The following DNAJC25 variants were observed in gnomAD, a reference collection of about 807,000 sequenced individuals.
DNAJC25 encodes the protein dnaJ homolog subfamily C member 25.
DNAJC25 carries 26 observed loss-of-function variants against 42.1 expected under a neutral mutation model. The observed-to-expected ratio is 0.62, with a 90% CI of 0.45 to 0.86. DNAJC25 has a LOEUF of 0.86. Among genes scored for constraint, DNAJC25 ranks in the 40% least tolerant of loss-of-function variants. DNAJC25 has a pLI of 0.00. For missense variants in DNAJC25, 404 were observed against 459.4 expected, an observed-to-expected ratio of 0.88 and a Z score of 1.10; for synonymous variants, 189 against 179.9, an observed-to-expected ratio of 1.05 and a Z score of -0.40.
intron 3 of DNAJC25, 151 bp downstream of exon 3, chr9:111,650,074 CTA>C (rs1830633760): frequency 1.4e-6 from 1 of 710,370 alleles, no homozygotes; most frequent in Non-Finnish European, 2.1e-6. Context: ...AAGTAGGACT[CTA>C]TTTGGTAGTG....
chr9:111,646,006 G>T (rs1001357782), intron 1 of DNAJC25, among the ~76,000 whole-genome samples: 12 of 152,062 alleles, frequency 7.9e-5, no homozygotes, highest in Admixed American at 7.2e-4. Flanking sequence ...CTCCTGGGCT[G>T]AAGCAATCCT....
intron 3 of DNAJC25, among the ~76,000 whole-genome samples, chr9:111,651,131 G>T (rs1322074478): frequency 6.6e-6 from 1 of 151,818 alleles, no homozygotes; most frequent in Non-Finnish European, 1.5e-5. Context: ...GGGCCTGGTG[G>T]TGCGTGCATG....
chr9:111,639,225 T>C (rs755249685), intron 1 of DNAJC25, among the ~76,000 whole-genome samples: 2 of 152,236 alleles, frequency 1.3e-5, no homozygotes, highest in South Asian at 2.1e-4. Context: ...TTTTATTCTC[T>C]TTTTGTGCTC....
At chr9:111,649,159 C>T (rs560233968) in intron 2 of DNAJC25, among the ~76,000 whole-genome samples, 13 of 152,082 alleles carry the variant, frequency 8.5e-5, no homozygotes, top group African/African-American at 2.9e-4. Flanking sequence ...GGTAAAGATA[C>T]GAACCACAGG....
intron 3 of DNAJC25, among the ~76,000 whole-genome samples, 161 bp from the exon 4 acceptor site, chr9:111,652,939 T>A (rs1347057857): frequency 1.3e-5 from 2 of 149,160 alleles, no homozygotes; most frequent in African/African-American, 5.1e-5. Context: ...AATAAATAAA[T>A]AAAATGCTTA....
intron 3 of DNAJC25, among the ~76,000 whole-genome samples, chr9:111,652,808 A>G (rs1050307916): frequency 6.6e-6 from 1 of 152,038 alleles, no homozygotes; most frequent in Non-Finnish European, 1.5e-5. Context: ...TGGCCTCCCA[A>G]TGTGCTGGGA....
intron 2 of DNAJC25, among the ~76,000 whole-genome samples, chr9:111,648,789 C>G (rs780762882): frequency 5.3e-5 from 8 of 152,140 alleles, no homozygotes; most frequent in Non-Finnish European, 1.0e-4. Context: ...TATATTCATT[C>G]AGTTAATCAG....
At chr9:111,649,421 A>G (rs1447539053) in intron 2 of DNAJC25, 32 bp from the exon 3 acceptor site, 1 of 1,515,506 alleles carries the variant, frequency 6.6e-7, no homozygotes, top group African/African-American at 1.4e-5. Context: ...GGGTAATGAA[A>G]ATGACTCATT....
At position 111,652,815 on chromosome 9, in the gene DNAJC25, G is replaced by A. The variant is rs536952152; in HGVS notation, c.961-285G>A. Among the ~76,000 whole-genome samples, 26 of 152,156 alleles carry A rather than the reference G, an allele frequency of 1.7e-4. No homozygotes were observed. In the East Asian group the frequency reaches 5.0e-3, roughly 29 times the overall value. ...ACCCGCCTTGGCCTCCCAATGTGCT[G>A]GGATTACAGGTGTGAGCCACCACGC... On this transcript the variant is annotated intron_variant, in intron 3 of 3. Transcript: ENST00000313525.
In DNAJC25 at chr9:111,649,914, G is replaced by A. The variant is rs760984998; in HGVS notation, c.951G>A (p.Glu317=). Residue 317 remains glutamate (E), a synonymous_variant, in exon 3 of 4, where the codon GAG becomes GAA. Transcript: ENST00000313525. Reference sequence around the variant, plus strand: ...TTAAACGAGAGCTCTGGATCAAGGAGAATTATGAGGTGAGTAGTCACCCTG... The same window carrying A: ...TTAAACGAGAGCTCTGGATCAAGGAAAATTATGAGGTGAGTAGTCACCCTG... ...TFLKRELWIK[E]NYEVYKQEQE... is the part of the protein sequence containing the mutation. 1 of 1,569,546 alleles carries A rather than the reference G, an allele frequency of 6.4e-7. No individual in the cohort carries two copies. The highest frequency in any genetic ancestry group is 1.9e-5 in the Admixed American group (1 of 51,644).
chr9:111,632,396 C>A (rs918052265), intron 1 of DNAJC25, among the ~76,000 whole-genome samples: 1 of 152,204 alleles, frequency 6.6e-6, no homozygotes, highest in Non-Finnish European at 1.5e-5. Context: ...CGAACCGCCC[C>A]CCTTTCCATA....
At chr9:111,636,352 T>C (rs945292172) in intron 1 of DNAJC25, among the ~76,000 whole-genome samples, 1 of 152,228 alleles carries the variant, frequency 6.6e-6, no homozygotes, top group East Asian at 1.9e-4. Context: ...AGTTTTATGG[T>C]ATTTGTCCCA....
At chr9:111,642,759 G>C (rs1340117510) in intron 1 of DNAJC25, 2 of 426,344 alleles carry the variant, frequency 4.7e-6, no homozygotes, top group Admixed American at 4.9e-5. Flanking sequence ...CCTCTGGGGA[G>C]GGGGGATGAC....
chr9:111,641,222 A>C (rs1589343659), intron 1 of DNAJC25, among the ~76,000 whole-genome samples: 1 of 131,366 alleles, frequency 7.6e-6, no homozygotes. Context: ...TCCGGGAGGG[A>C]GGTGGGGGGG....
chr9:111,640,170 C>T (rs1257638887), intron 1 of DNAJC25, among the ~76,000 whole-genome samples: 2 of 151,648 alleles, frequency 1.3e-5, no homozygotes, highest in African/African-American at 2.4e-5. Flanking sequence ...GCGAGTGATC[C>T]GCCAACCTCG....
At chr9:111,642,436 A>C (rs1002300412) in intron 1 of DNAJC25, among the ~76,000 whole-genome samples, 422 of 136,246 alleles carry the variant, frequency 3.1e-3, no homozygotes, top group African/African-American at 0.012. Flanking sequence ...GTCATCACCA[A>C]TCCCTAATCT....
rs1363213363 is a variant in DNAJC25 at position 111,631,371 on chromosome 9, A to C, written c.-37A>C. On this transcript the variant is annotated 5_prime_UTR_variant, in exon 1 of 4. Transcript: ENST00000313525. ...CCGGGCGCGCGGCTGAGTGCTGCAG[A>C]ATCGCTGGGGTGGCAGAGCCGCCAG... 8.6e-6 allele frequency: 11 copies of C among 1,272,196 alleles called. No individual in the cohort carries two copies. The highest frequency in any genetic ancestry group is 4.2e-5 in the Admixed American group (1 of 23,734). 78.8% of individuals were successfully genotyped at this position (1,272,196 alleles called of 1,614,324 possible). A position where few individuals can be genotyped will look rare whatever the true frequency, so the allele number is the denominator to read the frequency against.
chr9:111,642,855 A>G (rs1028938099), intron 1 of DNAJC25: 7 of 470,916 alleles, frequency 1.5e-5, no homozygotes, highest in Non-Finnish European at 2.6e-5. Flanking sequence ...GTTATGTTCC[A>G]GTCCTCCTGC....
At chr9:111,636,759 T>C (rs1830368271) in intron 1 of DNAJC25, among the ~76,000 whole-genome samples, 1 of 152,220 alleles carries the variant, frequency 6.6e-6, no homozygotes, top group South Asian at 2.1e-4. Flanking sequence ...CTCTTACCTT[T>C]TAAGAGTTTT....
Sources: gnomAD v4.1 joint callset for allele counts (sites outside exome capture counted in the v4.1 genomes callset) on GRCh38, gnomAD v4.1.1 for gene constraint, MANE v1.5 for transcripts, NCBI Gene and HGNC (gene_info 2026-07-23, HGNC 2026-07-21) for gene names.